SLC22A2: variants seen among roughly 807,000 people sequenced by gnomAD.
SLC22A2 encodes the protein solute carrier family 22 member 2.
Under a neutral mutation model 60.5 loss-of-function variants are expected in SLC22A2, and 46 were observed. The observed-to-expected ratio is 0.76, with a 90% CI of 0.60 to 0.97. The LOEUF is 0.97. Among genes scored for constraint, SLC22A2 ranks in the 50% least tolerant of loss-of-function variants. SLC22A2 has a pLI of 0.00. For missense variants in SLC22A2, 701 were observed against 706.6 expected (o/e 0.99, Z 0.09); for synonymous variants, 303 against 267.0 (o/e 1.13, Z -1.31).
At chr6:160,257,023 C>T (rs1783286337) in intron 1 of SLC22A2, among the ~76,000 whole-genome samples, 1 of 152,030 alleles carries the variant, frequency 6.6e-6, no homozygotes, top group Non-Finnish European at 1.5e-5. Context: ...ACCTCAGCCT[C>T]CCAAAATGCT....
chr6:160,245,586 G>T, intron 5 of SLC22A2, 41 bp from the exon 6 acceptor site: 3 of 1,292,678 alleles, frequency 2.3e-6, no homozygotes, highest in Non-Finnish European at 3.3e-6. Flanking sequence ...TATATTTAAT[G>T]CTAGTGTCCC....
chr6:160,242,418 A>G lies in SLC22A2; in HGVS notation c.1280-16T>C. 7.4e-7 allele frequency: 1 copy of G among 1,344,396 alleles called. No homozygotes were observed. The allele number at this position is 1,344,396 out of a possible 1,614,324, so 83.3% of individuals were successfully genotyped here. A position where few individuals can be genotyped will look rare whatever the true frequency, so the allele number is the denominator to read the frequency against. Reference sequence around the variant, plus strand: ...CATTGTAGATCTAAGAGGGAAAAGAACAGTACTTATCCGTACACAGATGAT... The same window carrying G: ...CATTGTAGATCTAAGAGGGAAAAGAGCAGTACTTATCCGTACACAGATGAT... On this transcript the variant is annotated splice_polypyrimidine_tract_variant and intron_variant, in intron 7 of 10. Coordinates refer to ENST00000366953, the MANE Select transcript of SLC22A2 (RefSeq NM_003058.4).
At chr6:160,223,613 T>G (rs925429498) in intron 10 of SLC22A2, among the ~76,000 whole-genome samples, 2 of 152,372 alleles carry the variant, frequency 1.3e-5, no homozygotes, top group Non-Finnish European at 2.9e-5. Context: ...CAACACTTGT[T>G]ATAAAAAATT....
At chr6:160,234,634 C>A (rs576617837) in intron 9 of SLC22A2, among the ~76,000 whole-genome samples, 2 of 152,222 alleles carry the variant, frequency 1.3e-5, no homozygotes, top group African/African-American at 2.4e-5. Flanking sequence ...GAACTTGTAA[C>A]CACATGGCAG....
rs1361739491 is a variant in SLC22A2 at position 160,243,666 on chromosome 6, G to A, written c.1185C>T (p.Ile395=). The stretch of plus-strand genomic sequence containing the variant: ...GGCGTCCGATGCGGTCGATGGTGAG[G>A]ATGATCATGAAGGCAGCTGGGAATT... ...LVEFPAAFMI[I]LTIDRIGRRY... is the part of the protein sequence containing the mutation. Residue 395 remains isoleucine, a synonymous_variant, in exon 7 of 11, where the codon ATC becomes ATT. Transcript: ENST00000366953. 1.9e-6 allele frequency: 3 copies of A among 1,613,926 alleles called. No individual in the cohort carries two copies. In the African/African-American group the frequency reaches 4.0e-5, roughly 22 times the overall value.
Position 160,243,143 on chromosome 6 carries a change from G to T in SLC22A2, c.1279+429C>A, listed in dbSNP as rs575053749. 5.9e-5 allele frequency among the ~76,000 whole-genome samples: 9 copies of T among 152,164 alleles called. No homozygotes were observed. In the East Asian group the frequency reaches 1.7e-3, roughly 29 times the overall value. ...CCTTCGTTGAGGAAGCATTTTAAAA[G>T]GGAAAAAGGGAACTGAATAGTTATT... On this transcript the variant is annotated intron_variant, in intron 7 of 10. Transcript: ENST00000366953.
In SLC22A2 at chr6:160,245,428, AT is replaced by A; in HGVS notation, c.1064+10del. On this transcript the variant is annotated intron_variant, in intron 6 of 10. Transcript: ENST00000366953. ...ATTTGGAGGCATTTCAAAGTGAAAA[AT>A]ATTCCTTACCAGTTGTACATCAATA... is the stretch of plus-strand genomic sequence containing the variant. 1 of 1,458,732 alleles carries A rather than the reference AT, an allele frequency of 6.9e-7. No homozygotes were observed. Among genetic ancestry groups the A allele is most frequent in the South Asian group, 1.2e-5 (1 of 81,738 alleles). The allele number at this position is 1,458,732 out of a possible 1,614,324, so 90.4% of individuals were successfully genotyped here. A position where few individuals can be genotyped will look rare whatever the true frequency, so the allele number is the denominator to read the frequency against.
chr6:160,225,992 T>A (rs937573814), intron 9 of SLC22A2, among the ~76,000 whole-genome samples: 8 of 152,194 alleles, frequency 5.3e-5, no homozygotes, highest in Admixed American at 6.5e-5. Flanking sequence ...TAGGTTGCCT[T>A]TGTAGGACTA....
rs78405802 is a variant in SLC22A2 at position 160,228,266 on chromosome 6, G to A, written c.1502-3462C>T. 7.8e-3 allele frequency among the ~76,000 whole-genome samples: 1,182 copies of A among 152,298 alleles called. 17 individuals carry two copies. The highest frequency in any genetic ancestry group is 0.026 in the African/African-American group (1,078 of 41,558). ...CTGAGGAGACCTCCCCTCCGCCAGCGCAAAGGAAACAGACTGCAGCACTGA... is the reference window on the plus strand; with the variant it reads ...CTGAGGAGACCTCCCCTCCGCCAGCACAAAGGAAACAGACTGCAGCACTGA... On this transcript the variant is annotated intron_variant, in intron 9 of 10. Transcript: ENST00000366953.
At chr6:160,241,880 TATA>T (rs1783009577) in intron 8 of SLC22A2, among the ~76,000 whole-genome samples, 27 of 4,400 alleles carry the variant, frequency 6.1e-3, no homozygotes, top group Non-Finnish European at 2.1e-3. Flanking sequence ...CAATATTTTA[TATA>T]TATATATATA....
intron 9 of SLC22A2, among the ~76,000 whole-genome samples, chr6:160,225,890 G>A (rs949814981): frequency 5.1e-4 from 78 of 152,106 alleles, no homozygotes; most frequent in Non-Finnish European, 1.2e-4. Context: ...TCATTCTTGG[G>A]TATAGGCTGA....
At chr6:160,237,634 A>C (rs1782931717) in intron 9 of SLC22A2, among the ~76,000 whole-genome samples, 1 of 152,230 alleles carries the variant, frequency 6.6e-6, no homozygotes, top group Non-Finnish European at 1.5e-5. Flanking sequence ...CATTAAGATT[A>C]AGAGTTCTCT....
intron 9 of SLC22A2, among the ~76,000 whole-genome samples, chr6:160,229,957 T>C (rs1782791667): frequency 6.6e-6 from 1 of 151,864 alleles, no homozygotes. Flanking sequence ...AGGTCCCTGA[T>C]ATCCAGGCAT....
intron 4 of SLC22A2, among the ~76,000 whole-genome samples, chr6:160,248,980 G>GT (rs1386610502): frequency 6.6e-6 from 1 of 152,194 alleles, no homozygotes; most frequent in Non-Finnish European, 1.5e-5. Flanking sequence ...ATGTGGAAAT[G>GT]TAAGATCCAA....
At chr6:160,250,269 A>G (rs1305252848) in intron 3 of SLC22A2, among the ~76,000 whole-genome samples, 3 of 152,212 alleles carry the variant, frequency 2.0e-5, no homozygotes, top group African/African-American at 7.2e-5. Context: ...CTTTCCACAC[A>G]ATACTCCAGG....
chr6:160,220,223 G>T (rs988141844), intron 10 of SLC22A2, among the ~76,000 whole-genome samples: 1 of 152,146 alleles, frequency 6.6e-6, no homozygotes, highest in Admixed American at 6.6e-5. Flanking sequence ...ATGTTCACAG[G>T]ATCTCCACCA....
At chr6:160,245,262 G>T in intron 6 of SLC22A2, 177 bp downstream of exon 6, 1 of 486,438 alleles carries the variant, frequency 2.1e-6, no homozygotes, top group Non-Finnish European at 3.6e-6. Flanking sequence ...GGGCTACACC[G>T]ATCTTAATAT....
chr6:160,241,133 A>G (rs1782993499), intron 9 of SLC22A2, among the ~76,000 whole-genome samples: 2 of 151,082 alleles, frequency 1.3e-5, no homozygotes, highest in Non-Finnish European at 2.9e-5. Context: ...AAATCAGCAG[A>G]GAGAGAGTTA....
In SLC22A2 at chr6:160,238,197, T is replaced by C. The variant is rs377135859; in HGVS notation, c.1501+3277A>G. 3.2e-3 allele frequency among the ~76,000 whole-genome samples: 490 copies of C among 152,332 alleles called. 4 individuals carry two copies. The highest frequency in any genetic ancestry group is 0.01 in the Middle Eastern group (3 of 294). Reference sequence around the variant, plus strand: ...CAAGAACCCTCTCTTGGGGTCTGGATTGGGACCCCTTTCTGGTAACAGAGA... The same window carrying C: ...CAAGAACCCTCTCTTGGGGTCTGGACTGGGACCCCTTTCTGGTAACAGAGA... On this transcript the variant is annotated intron_variant, in intron 9 of 10. Transcript: ENST00000366953.
Sources: allele counts gnomAD v4.1 joint callset (sites outside exome capture counted in the v4.1 genomes callset), GRCh38; gene constraint gnomAD v4.1.1; transcripts MANE v1.5; gene names NCBI Gene and HGNC (gene_info 2026-07-23, HGNC 2026-07-21).